Variants in TCF12 observed in about 807,000 individuals in gnomAD.
The protein encoded by TCF12 is DNA-binding protein HTF4.
Under a neutral mutation model 86.0 loss-of-function variants are expected in TCF12, and 45 were observed. The observed-to-expected ratio is 0.52, with a 90% CI of 0.41 to 0.67. TCF12 has a LOEUF of 0.67. Ranked by LOEUF, TCF12 falls within the 30% of genes least tolerant of loss-of-function variation. The probability of loss-of-function intolerance (pLI) is 0.00; values close to 1 mark genes in which losing one functional copy is unlikely to be tolerated. For synonymous variants in TCF12, 330 were observed against 299.6 expected, an observed-to-expected ratio of 1.10 and a Z score of -1.05; for missense variants, 881 against 859.9, an observed-to-expected ratio of 1.02 and a Z score of -0.31.
chr15:57,050,636 T>C (rs2067547179), intron 3 of TCF12, among the ~76,000 whole-genome samples: 1 of 152,186 alleles, frequency 6.6e-6, no homozygotes, highest in Non-Finnish European at 1.5e-5. Context: ...TTAAATACTT[T>C]TGGTACTCTC....
chr15:57,153,019 G>A (rs1285406601), intron 5 of TCF12, among the ~76,000 whole-genome samples: 1 of 152,036 alleles, frequency 6.6e-6, no homozygotes, highest in Non-Finnish European at 1.5e-5. Flanking sequence ...AACTTTGCAG[G>A]CAAGATGATA....
intron 4 of TCF12, among the ~76,000 whole-genome samples, chr15:57,076,808 A>T (rs1341960280): frequency 6.6e-6 from 1 of 152,092 alleles, no homozygotes; most frequent in Non-Finnish European, 1.5e-5. Context: ...TAAATCTGTG[A>T]TCCATTGTGA....
intron 3 of TCF12, among the ~76,000 whole-genome samples, chr15:57,035,955 C>T (rs1358615156): frequency 3.9e-5 from 6 of 152,144 alleles, no homozygotes; most frequent in African/African-American, 1.4e-4. Flanking sequence ...GTGAACTGTA[C>T]GTGTGGGGGG....
chr15:56,927,419 G>A lies in TCF12; in HGVS notation c.148+6321G>A, dbSNP rs372689260. On this transcript the variant is annotated intron_variant, in intron 3 of 20. Coordinates refer to ENST00000333725, the MANE Select transcript of TCF12 (RefSeq NM_207037.2). Reference sequence around the variant, plus strand: ...TTTTGTCTTTTTTTCTTATAGTTCCGTTTGCAAAGCTGGTAACTTAATGTT... The same window carrying A: ...TTTTGTCTTTTTTTCTTATAGTTCCATTTGCAAAGCTGGTAACTTAATGTT... 3.9e-5 allele frequency among the ~76,000 whole-genome samples: 6 copies of A among 152,118 alleles called. No homozygotes were observed. The East Asian group carries it at 9.6e-4, about 24-fold the overall frequency.
At chr15:57,282,396 A>G in intron 19 of TCF12, 49 bp from the exon 20 acceptor site, 1 of 1,611,072 alleles carries the variant, frequency 6.2e-7, no homozygotes, top group South Asian at 1.1e-5. Context: ...TTGAGACCTA[A>G]TTCATAACTT....
intron 16 of TCF12, among the ~76,000 whole-genome samples, chr15:57,257,676 AG>A (rs1291536037): frequency 1.1e-4 from 2 of 18,400 alleles, no homozygotes; most frequent in East Asian, 5.0e-3. Flanking sequence ...AAAAAAAAAA[AG>A]TGTATATATA....
intron 3 of TCF12, among the ~76,000 whole-genome samples, chr15:57,045,669 C>T (rs185182150): frequency 2.0e-5 from 3 of 152,272 alleles, no homozygotes. Context: ...CCTCAACCTC[C>T]CAAGTATGTA....
intron 5 of TCF12, among the ~76,000 whole-genome samples, chr15:57,094,222 C>T (rs1439261216): frequency 2.0e-5 from 3 of 152,162 alleles, no homozygotes; most frequent in East Asian, 1.9e-4. Flanking sequence ...TTTTAACTAC[C>T]TAATGTAAAA....
intron 8 of TCF12, among the ~76,000 whole-genome samples, chr15:57,203,750 A>G (rs1050276266): frequency 6.6e-6 from 1 of 152,198 alleles, no homozygotes; most frequent in Non-Finnish European, 1.5e-5. Context: ...TTACCCCATC[A>G]AGAAAAATAT....
intron 5 of TCF12, among the ~76,000 whole-genome samples, chr15:57,116,189 C>T (rs950645176): frequency 2.6e-5 from 4 of 152,102 alleles, no homozygotes; most frequent in Admixed American, 6.6e-5. Flanking sequence ...GACTCCAAAG[C>T]CTGTTTTTAA....
rs2061946846 is a variant in TCF12 at position 57,286,710 on chromosome 15, T to G, written c.*565T>G. 1 of 453,864 alleles carries G rather than the reference T, an allele frequency of 2.2e-6. No homozygotes were observed. The highest frequency in any genetic ancestry group is 2.4e-5 in the Admixed American group (1 of 41,742). The allele number at this position is 453,864 out of a possible 1,614,324, so 28.1% of individuals were successfully genotyped here. On this transcript the variant is annotated 3_prime_UTR_variant, in exon 21 of 21. Coordinates refer to ENST00000333725, the MANE Select transcript of TCF12 (RefSeq NM_207037.2). ...GGAAGGGAAAAGTCTTTTGTTGCCCTCTCCTATCCTCTTGCCATATGAATA... is the reference window on the plus strand; with the variant it reads ...GGAAGGGAAAAGTCTTTTGTTGCCCGCTCCTATCCTCTTGCCATATGAATA...
At chr15:57,049,583 A>G (rs2585105) in intron 3 of TCF12, among the ~76,000 whole-genome samples, 4,324 of 152,316 alleles carry the variant, frequency 0.028, 213 homozygotes, top group African/African-American at 0.099. Context: ...CATTGTATCA[A>G]TAAACCATCA....
rs755733213 is a variant in TCF12, at chr15:57,252,482, A to ATGTC, written c.1254_1257dup (p.Glu420LeufsTer2). The ATGTC allele has an allele frequency of 1.9e-6, 3 of 1,613,728 alleles. No homozygotes were observed. In the African/African-American group the frequency reaches 4.0e-5, roughly 22 times the overall value. ...CAAGATGCAATGTCCTTCTTAAAGG[A>ATGTC]TGTCTGTGAGGTACTATTTCTTTTA... On this transcript the variant is annotated frameshift_variant, in exon 15 of 21. Coordinates refer to ENST00000333725, the MANE Select transcript of TCF12 (RefSeq NM_207037.2). LOFTEE classifies it high-confidence loss of function.
chr15:57,253,528 T>C, intron 16 of TCF12, 60 bp downstream of exon 16: 3 of 1,568,446 alleles, frequency 1.9e-6, no homozygotes, highest in Non-Finnish European at 1.7e-6. Context: ...TAAATGTCTT[T>C]AATGAAATCT....
intron 3 of TCF12, among the ~76,000 whole-genome samples, chr15:56,975,782 T>C (rs985744685): frequency 3.9e-5 from 6 of 152,026 alleles, no homozygotes; most frequent in Admixed American, 2.0e-4. Context: ...TCTTTGTATC[T>C]AAATTGAGCT....
chr15:56,940,604 CCTCCTTCTT>C (rs1189317736), intron 3 of TCF12, among the ~76,000 whole-genome samples: 3 of 148,702 alleles, frequency 2.0e-5, no homozygotes, highest in East Asian at 2.0e-4. Context: ...TCCTCCTTCT[CCTCCTTCTT>C]CTCCCTCTCC....
chr15:56,951,189 T>C (rs1030466860), intron 3 of TCF12, among the ~76,000 whole-genome samples: 1 of 152,202 alleles, frequency 6.6e-6, no homozygotes, highest in African/African-American at 2.4e-5. Flanking sequence ...TTTCAGTTCC[T>C]CTATATACTT....
chr15:57,122,994 G>C (rs1274215903), intron 5 of TCF12, among the ~76,000 whole-genome samples: 1 of 152,182 alleles, frequency 6.6e-6, no homozygotes, highest in Non-Finnish European at 1.5e-5. Context: ...TGGAGAAAAG[G>C]TTGAGTGGAT....
chr15:57,197,346 A>G (rs1320732758), intron 7 of TCF12, among the ~76,000 whole-genome samples: 3 of 151,486 alleles, frequency 2.0e-5, no homozygotes, highest in African/African-American at 7.3e-5. Flanking sequence ...TTTAGTAGAG[A>G]TGGGTTTCAC....
Sources: gnomAD v4.1 joint callset for allele counts (sites outside exome capture counted in the v4.1 genomes callset) on GRCh38, gnomAD v4.1.1 for gene constraint, MANE v1.5 for transcripts, NCBI Gene and HGNC (gene_info 2026-07-23, HGNC 2026-07-21) for gene names.